KCNG2: variants seen among roughly 807,000 people sequenced by gnomAD.
KCNG2 encodes the protein potassium voltage-gated channel modifier subfamily G member 2, also known as voltage-gated potassium channel regulatory subunit KCNG2.
Under a neutral mutation model 12.3 loss-of-function variants are expected in KCNG2, and 7 were observed. The observed-to-expected ratio is 0.57, with a 90% CI of 0.32 to 1.07. The LOEUF is 1.07. Among genes scored for constraint, KCNG2 ranks in the 50% least tolerant of loss-of-function variants. KCNG2 has a pLI of 0.04. For missense variants in KCNG2, 703 were observed against 726.0 expected, an observed-to-expected ratio of 0.97 and a Z score of 0.36; for synonymous variants, 414 against 351.4, an observed-to-expected ratio of 1.18 and a Z score of -1.99.
chr18:79,897,114 T>G (rs1290952292), intron 3 of KCNG2, among the ~76,000 whole-genome samples: 3 of 110,438 alleles, frequency 2.7e-5, no homozygotes, highest in Admixed American at 2.3e-4. Context: ...ATGTAGGTTA[T>G]TGTTTTTAAA....
At chr18:79,810,513 C>T (rs1004904563) in intron 1 of KCNG2, among the ~76,000 whole-genome samples, 4 of 152,158 alleles carry the variant, frequency 2.6e-5, no homozygotes, top group African/African-American at 9.7e-5. Context: ...TGGCTCATGC[C>T]TAGAATCCCA....
intron 3 of KCNG2, among the ~76,000 whole-genome samples, chr18:79,895,289 A>G (rs1980924269): frequency 1.3e-5 from 2 of 151,334 alleles, no homozygotes; most frequent in African/African-American, 2.4e-5. Context: ...TCTGCTTTTG[A>G]TTGGATTGTT....
chr18:79,868,953 G>C (rs4798922), intron 3 of KCNG2, among the ~76,000 whole-genome samples: 46,720 of 152,150 alleles, frequency 0.31, 8,254 homozygotes, highest in South Asian at 0.52. Flanking sequence ...GTTACTGACA[G>C]AATGTGAGCT....
At chr18:79,821,747 T>C (rs1421298737) in intron 1 of KCNG2, among the ~76,000 whole-genome samples, 1 of 152,216 alleles carries the variant, frequency 6.6e-6, no homozygotes, top group Non-Finnish European at 1.5e-5. Context: ...ATCATAGGTG[T>C]AGGGCTCATC....
At position 79,899,762 on chromosome 18, in the gene KCNG2, C is replaced by G. The variant is rs779558647; in HGVS notation, c.1347C>G (p.Ser449Arg). 2.6e-6 allele frequency: 4 copies of G among 1,535,192 alleles called. No homozygotes were observed. Among genetic ancestry groups the G allele is most frequent in the Non-Finnish European group, 3.5e-6 (4 of 1,149,230 alleles). ...ATEDSSQGPD[S>R]AGLADDSADA... ...AGGACAGCTCGCAGGGCCCCGACAG[C>G]GCGGGCCTGGCCGACGACTCCGCGG... Residue 449 changes from serine to arginine, a missense_variant, in exon 4 of 4, where the codon AGC (serine) becomes AGG (arginine). Coordinates refer to ENST00000316249, the MANE Select transcript of KCNG2 (RefSeq NM_012283.2).
At chr18:79,889,983 A>AT (rs995506691) in intron 3 of KCNG2, among the ~76,000 whole-genome samples, 1 of 151,886 alleles carries the variant, frequency 6.6e-6, no homozygotes, top group African/African-American at 2.4e-5. Context: ...TGATTGTGTG[A>AT]TTTTTCTTTT....
chr18:79,867,808 G>A (rs1979667002), intron 3 of KCNG2, among the ~76,000 whole-genome samples: 1 of 152,046 alleles, frequency 6.6e-6, no homozygotes, highest in South Asian at 2.1e-4. Context: ...CGGCCTCCCT[G>A]GACTGCGTGG....
intron 3 of KCNG2, among the ~76,000 whole-genome samples, chr18:79,888,670 G>C (rs1338691277): frequency 1.3e-5 from 2 of 152,072 alleles, no homozygotes; most frequent in African/African-American, 4.8e-5. Flanking sequence ...GCTCTTCTTT[G>C]AGGAATGCCT....
chr18:79,833,932 A>C (rs1164603530), intron 1 of KCNG2, among the ~76,000 whole-genome samples: 1 of 152,242 alleles, frequency 6.6e-6, no homozygotes, highest in East Asian at 1.9e-4. Flanking sequence ...AGAGTTGTGC[A>C]CATCTGGCCA....
chr18:79,892,288 A>G (rs1444309383), intron 3 of KCNG2, among the ~76,000 whole-genome samples: 1 of 152,214 alleles, frequency 6.6e-6, no homozygotes, highest in Admixed American at 6.5e-5. Context: ...CCTGTTGATC[A>G]TTACATATTA....
intron 1 of KCNG2, among the ~76,000 whole-genome samples, chr18:79,841,474 T>C (rs534959827): frequency 2.0e-5 from 3 of 152,238 alleles, no homozygotes; most frequent in Non-Finnish European, 4.4e-5. Flanking sequence ...AGATAAGCTG[T>C]AGACTTTGAG....
At chr18:79,887,363 C>T (rs557476290) in intron 3 of KCNG2, among the ~76,000 whole-genome samples, 6 of 152,042 alleles carry the variant, frequency 3.9e-5, no homozygotes, top group Non-Finnish European at 7.4e-5. Flanking sequence ...CCAGGACACA[C>T]TGGGCTCAGA....
intron 3 of KCNG2, among the ~76,000 whole-genome samples, chr18:79,882,297 C>T (rs1410688409): frequency 2.0e-5 from 3 of 152,146 alleles, no homozygotes; most frequent in Admixed American, 6.5e-5. Context: ...TCACTTCAGC[C>T]CAGGAGTTCA....
At chr18:79,857,015 CAGA>C (rs1479956352) in intron 2 of KCNG2, among the ~76,000 whole-genome samples, 1 of 148,986 alleles carries the variant, frequency 6.7e-6, no homozygotes, top group Non-Finnish European at 1.5e-5. Context: ...CCCTCCGTCC[CAGA>C]GGAGCTCTCC....
intron 1 of KCNG2, among the ~76,000 whole-genome samples, chr18:79,852,282 T>C (rs999111197): frequency 1.1e-4 from 16 of 152,244 alleles, no homozygotes. Flanking sequence ...TGGGCATCGT[T>C]ATTTCCAATA....
At chr18:79,866,376 G>A (rs1344962443) in intron 3 of KCNG2, among the ~76,000 whole-genome samples, 256 of 118,004 alleles carry the variant, frequency 2.2e-3, no homozygotes, top group Non-Finnish European at 2.4e-3. Flanking sequence ...TGGGTGCTGA[G>A]GTCTGGGTGC....
chr18:79,858,054 G>A lies in KCNG2; in HGVS notation c.-41+1602G>A, dbSNP rs375611979. Among the ~76,000 whole-genome samples the A allele has an allele frequency of 5.9e-5, 9 of 152,112 alleles. No individual in the cohort carries two copies. The East Asian group carries it at 9.7e-4, about 16-fold the overall frequency. On this transcript the variant is annotated intron_variant, in intron 2 of 3. Coordinates refer to ENST00000316249, the MANE Select transcript of KCNG2 (RefSeq NM_012283.2). Reference sequence around the variant, plus strand: ...CTCGCTCTGTCTCCCAGGCTGGAGCGCAGTGGCGTGATCTTGTCTCACTGC... The same window carrying A: ...CTCGCTCTGTCTCCCAGGCTGGAGCACAGTGGCGTGATCTTGTCTCACTGC...
At chr18:79,841,609 C>A (rs905218499) in intron 1 of KCNG2, among the ~76,000 whole-genome samples, 5 of 152,152 alleles carry the variant, frequency 3.3e-5, no homozygotes, top group African/African-American at 1.2e-4. Context: ...AAAGATATTT[C>A]ACCAAAGAGA....
At chr18:79,858,146 G>A (rs976531226) in intron 2 of KCNG2, among the ~76,000 whole-genome samples, 8 of 151,954 alleles carry the variant, frequency 5.3e-5, no homozygotes, top group East Asian at 3.9e-4. Context: ...GACTACAGGC[G>A]CCCGCCACTG....
Sources: gnomAD v4.1 joint callset for allele counts (sites outside exome capture counted in the v4.1 genomes callset) on GRCh38, gnomAD v4.1.1 for gene constraint, MANE v1.5 for transcripts, NCBI Gene and HGNC (gene_info 2026-07-23, HGNC 2026-07-21) for gene names.